The following SPATA13 variants were observed in gnomAD, a reference collection of about 807,000 sequenced individuals.
The protein encoded by SPATA13 is spermatogenesis-associated protein 13.
A neutral mutation model predicts 104.0 loss-of-function variants in SPATA13; 50 were observed. That is an observed-to-expected ratio of 0.48 (90% CI 0.38 to 0.61). The LOEUF is 0.61. Ranked by LOEUF, SPATA13 falls within the 20% of genes least tolerant of loss-of-function variation. The pLI is 0.00. For missense variants in SPATA13, 1,524 were observed against 1,690.6 expected (o/e 0.90, Z 1.73); for synonymous variants, 606 against 667.5 (o/e 0.91, Z 1.42).
intron 2 of SPATA13, among the ~76,000 whole-genome samples, chr13:24,232,667 C>T (rs997192221): frequency 2.0e-5 from 3 of 152,110 alleles, no homozygotes; most frequent in Admixed American, 1.3e-4. Flanking sequence ...TCAGCACCAC[C>T]CCCACCCAGT....
chr13:24,069,443 A>G (rs1879083053), intron 3 of SPATA13, among the ~76,000 whole-genome samples: 1 of 152,172 alleles, frequency 6.6e-6, no homozygotes, highest in Non-Finnish European at 1.5e-5. Flanking sequence ...GTATGTAAAA[A>G]TGCTAGTGAT....
At chr13:24,284,350 C>T (rs923607465) in intron 5 of SPATA13, 79 bp downstream of exon 5, 1 of 1,457,760 alleles carries the variant, frequency 6.9e-7, no homozygotes, top group Non-Finnish European at 9.3e-7. Context: ...ACTTTGTTCC[C>T]TAGTTCTTCT....
intron 2 of SPATA13, among the ~76,000 whole-genome samples, chr13:24,004,242 C>A (rs1019341060): frequency 1.3e-5 from 2 of 152,144 alleles, no homozygotes; most frequent in African/African-American, 4.8e-5. Context: ...AAAGCAGATA[C>A]ACAATTTTGC....
chr13:24,182,289 T>C (rs1045190382), intron 1 of SPATA13, among the ~76,000 whole-genome samples: 1 of 152,212 alleles, frequency 6.6e-6, no homozygotes, highest in African/African-American at 2.4e-5. Flanking sequence ...ACTGTGTTTG[T>C]CTTTTTTGTT....
At chr13:24,059,746 G>T (rs1406927790) in intron 3 of SPATA13, among the ~76,000 whole-genome samples, 1 of 152,102 alleles carries the variant, frequency 6.6e-6, no homozygotes, top group African/African-American at 2.4e-5. Flanking sequence ...AAGAGCTTTG[G>T]GCCTGAGACT....
intron 2 of SPATA13, among the ~76,000 whole-genome samples, chr13:24,225,846 T>C (rs1266811191): frequency 6.6e-6 from 1 of 152,218 alleles, no homozygotes; most frequent in Non-Finnish European, 1.5e-5. Context: ...AACTCCCACC[T>C]GCAGCTGGGC....
At chr13:24,102,635 T>C (rs9511051) in intron 3 of SPATA13, among the ~76,000 whole-genome samples, 122,744 of 151,930 alleles carry the variant, frequency 0.81, 52,057 homozygotes, top group Non-Finnish European at 0.94. Flanking sequence ...CCACTAAGCC[T>C]GGCTATTTTT....
At chr13:24,109,599 G>A (rs908548041) in intron 3 of SPATA13, among the ~76,000 whole-genome samples, 2 of 152,152 alleles carry the variant, frequency 1.3e-5, no homozygotes, top group Non-Finnish European at 1.5e-5. Flanking sequence ...AGAGGTAGAG[G>A]TAGATAGAGA....
intron 3 of SPATA13, among the ~76,000 whole-genome samples, chr13:24,084,391 A>T (rs1039953122): frequency 2.0e-5 from 3 of 152,206 alleles, no homozygotes; most frequent in African/African-American, 7.2e-5. Flanking sequence ...GATGGGCAGG[A>T]TGCCCGGGGA....
intron 1 of SPATA13, among the ~76,000 whole-genome samples, chr13:24,182,061 T>C (rs1868852176): frequency 6.6e-6 from 1 of 152,248 alleles, no homozygotes; most frequent in African/African-American, 2.4e-5. Context: ...GTTGGAATTA[T>C]TAAACTACTT....
At chr13:24,267,053 T>A (rs930417528) in intron 4 of SPATA13, among the ~76,000 whole-genome samples, 1 of 152,110 alleles carries the variant, frequency 6.6e-6, no homozygotes, top group African/African-American at 2.4e-5. Flanking sequence ...AAAAAAAAAA[T>A]TAAGCTGAAA....
At chr13:24,128,735 TAAA>T (rs10555970) in intron 3 of SPATA13, among the ~76,000 whole-genome samples, 68,753 of 148,332 alleles carry the variant, frequency 0.46, 17,099 homozygotes, top group South Asian at 0.58. Flanking sequence ...CTACCTTATT[TAAA>T]AAAAAAAAAA....
chr13:23,986,195 A>G (rs996214943), intron 2 of SPATA13, among the ~76,000 whole-genome samples: 9 of 152,230 alleles, frequency 5.9e-5, no homozygotes, highest in Non-Finnish European at 1.2e-4. Flanking sequence ...GGACCTAGTC[A>G]TTGTATAACC....
intron 2 of SPATA13, among the ~76,000 whole-genome samples, chr13:23,996,315 G>A (rs1264646078): frequency 5.3e-5 from 8 of 152,198 alleles, no homozygotes; most frequent in African/African-American, 1.4e-4. Context: ...CTAACTCTTC[G>A]AAAAGTGTAG....
intron 3 of SPATA13, among the ~76,000 whole-genome samples, chr13:24,036,408 GGA>G (rs796202495): frequency 3.3e-5 from 5 of 152,336 alleles, no homozygotes; most frequent in African/African-American, 1.2e-4. Context: ...AGTGTAAAAA[GGA>G]GGAGTATGTA....
At chr13:24,063,711 G>A (rs749684672) in intron 3 of SPATA13, among the ~76,000 whole-genome samples, 3 of 152,138 alleles carry the variant, frequency 2.0e-5, no homozygotes, top group East Asian at 3.9e-4. Flanking sequence ...CAGCCTTCTC[G>A]TTGCTGATGT....
At chr13:24,009,621 G>A (rs779791439) in intron 2 of SPATA13, among the ~76,000 whole-genome samples, 15 of 152,164 alleles carry the variant, frequency 9.9e-5, no homozygotes, top group Non-Finnish European at 1.9e-4. Flanking sequence ...TTGATTGAAA[G>A]AGTTAGGTTA....
intron 4 of SPATA13, among the ~76,000 whole-genome samples, chr13:24,282,764 C>T (rs977878223): frequency 6.6e-6 from 1 of 152,214 alleles, no homozygotes; most frequent in Non-Finnish European, 1.5e-5. Flanking sequence ...AGCTACTTGT[C>T]AAGGATGCTA....
chr13:24,029,768 C>T (rs1877391606), intron 3 of SPATA13, among the ~76,000 whole-genome samples: 1 of 152,010 alleles, frequency 6.6e-6, no homozygotes, highest in Non-Finnish European at 1.5e-5. Flanking sequence ...AGTCCTCTCC[C>T]TCCTCCCACC....
Sources: gnomAD v4.1 joint callset for allele counts (sites outside exome capture counted in the v4.1 genomes callset) on GRCh38, gnomAD v4.1.1 for gene constraint, MANE v1.5 for transcripts, NCBI Gene and HGNC (gene_info 2026-07-23, HGNC 2026-07-21) for gene names.